Variants in SOX13 observed in about 807,000 individuals in gnomAD.
SOX13 encodes the protein transcription factor SOX-13.
Under a neutral mutation model 71.8 loss-of-function variants are expected in SOX13, and 28 were observed. That is an observed-to-expected ratio of 0.39 (90% CI 0.29 to 0.53). SOX13 has a LOEUF of 0.53. SOX13 is among the 20% of genes least tolerant of loss of function. The probability of loss-of-function intolerance (pLI) is 0.70; values close to 1 mark genes in which losing one functional copy is unlikely to be tolerated. For synonymous variants in SOX13, 309 were observed against 317.8 expected, an observed-to-expected ratio of 0.97 and a Z score of 0.29; for missense variants, 627 against 810.3, an observed-to-expected ratio of 0.77 and a Z score of 2.75.
chr1:204,098,450 G>T (rs1363688213), intron 1 of SOX13, among the ~76,000 whole-genome samples: 29 of 151,978 alleles, frequency 1.9e-4, no homozygotes, highest in Admixed American at 1.8e-3. Flanking sequence ...CTGCACTCCA[G>T]CCTGGGTGAC....
At chr1:204,119,325 G>T (rs1558221400) in intron 7 of SOX13, 1 of 152,338 alleles carries the variant, frequency 6.6e-6, no homozygotes, top group African/African-American at 2.4e-5. Flanking sequence ...AGTTCTGGGG[G>T]CTGTGAATTC....
rs1656687375 is a variant in SOX13, at chr1:204,116,124, TC to T, written c.419-382del. The T allele has an allele frequency of 5.0e-6, 6 of 1,198,410 alleles. No individual in the cohort carries two copies. In the African/African-American group the frequency reaches 9.5e-5, roughly 19 times the overall value. The allele number at this position is 1,198,410 out of a possible 1,614,324, so 74.2% of individuals were successfully genotyped here. On this transcript the variant is annotated intron_variant, in intron 4 of 13. Transcript: ENST00000367204. Reference sequence around the variant, plus strand: ...AAATGGGAATTTGACCCCAGACCTGTCTTGCTTCAAAGCCTGAGTGTGTCCC... The same window carrying T: ...AAATGGGAATTTGACCCCAGACCTGTTTGCTTCAAAGCCTGAGTGTGTCCC...
At chr1:204,086,547 C>G (rs575402325) in intron 1 of SOX13, among the ~76,000 whole-genome samples, 5 of 152,018 alleles carry the variant, frequency 3.3e-5, no homozygotes, top group Non-Finnish European at 7.4e-5. Context: ...GTGATCTGCC[C>G]GCCTCGGCCT....
rs148336151 is a variant in SOX13 at position 204,117,554 on chromosome 1, G to T, written c.661-39G>T. On this transcript the variant is annotated intron_variant, in intron 6 of 13. Transcript: ENST00000367204. ...GCTGACCATAGCTGGGTAGCTCTTTGGGTCCCTGGGGACTCACACAGGGTT... is the reference window on the plus strand; with the variant it reads ...GCTGACCATAGCTGGGTAGCTCTTTTGGTCCCTGGGGACTCACACAGGGTT... 5,699 of 1,358,888 alleles carry T rather than the reference G, an allele frequency of 4.2e-3. 29 individuals carry two copies. Among genetic ancestry groups the T allele is most frequent in the Middle Eastern group, 0.017 (93 of 5,544 alleles). The allele number at this position is 1,358,888 out of a possible 1,614,324, so 84.2% of individuals were successfully genotyped here.
intron 1 of SOX13, among the ~76,000 whole-genome samples, chr1:204,082,905 C>T (rs886548101): frequency 6.6e-6 from 1 of 152,166 alleles, no homozygotes; most frequent in Admixed American, 6.5e-5. Flanking sequence ...GGTGAATGGG[C>T]CTTTCTTAGA....
In SOX13 at chr1:204,081,756, C is replaced by T. The variant is rs150150545; in HGVS notation, c.-2+8045C>T. ...TCAGCCTGTGTGGGGTATGAGGTCC[C>T]CCACCCTCATGCGAACAACCTCTCC... On this transcript the variant is annotated intron_variant, in intron 1 of 13. Coordinates refer to ENST00000367204, the MANE Select transcript of SOX13 (RefSeq NM_005686.3). The surrounding 1 kb of genome is among the most constrained non-coding windows in gnomAD (Gnocchi z 4.3). Among the ~76,000 whole-genome samples, 567 of 152,252 alleles carry T rather than the reference C, an allele frequency of 3.7e-3. 4 individuals are homozygous for T. The highest frequency in any genetic ancestry group is 0.013 in the African/African-American group (545 of 41,542).
At chr1:204,089,000 G>A (rs1165837730) in intron 1 of SOX13, among the ~76,000 whole-genome samples, 1 of 152,196 alleles carries the variant, frequency 6.6e-6, no homozygotes, top group African/African-American at 2.4e-5. Flanking sequence ...ATTGTGACCA[G>A]GGAGGCATTT....
intron 1 of SOX13, among the ~76,000 whole-genome samples, chr1:204,076,496 T>C (rs1655788110): frequency 6.6e-6 from 1 of 151,886 alleles, no homozygotes; most frequent in Non-Finnish European, 1.5e-5. Flanking sequence ...GGCAAAAGTG[T>C]CACCTCCAAC....
In SOX13 at chr1:204,114,422, T is replaced by C. The variant is rs765136965; in HGVS notation, c.321T>C (p.Asn107=). The C allele has an allele frequency of 8.1e-6, 13 of 1,612,714 alleles. No homozygotes were observed. Among genetic ancestry groups the C allele is most frequent in the Admixed American group, 1.7e-5 (1 of 59,896 alleles). The change falls in exon 3 of 14, where the codon AAT becomes AAC. Residue 107 remains asparagine, a synonymous_variant. Transcript: ENST00000367204. The part of the protein sequence containing the change: ...GSQEKLDFNR[N]LKEVVPAIEK... ...AGGAGAAGCTGGACTTCAACCGAAA[T>C]TTGAAAGAAGGTAGGATGTCTGCCC... is the stretch of plus-strand genomic sequence containing the variant.
At chr1:204,125,755 T>G in intron 13 of SOX13, 103 bp from the exon 14 acceptor site, 1 of 1,251,554 alleles carries the variant, frequency 8.0e-7, no homozygotes, top group Non-Finnish European at 1.1e-6. Flanking sequence ...CAGCCAAGAG[T>G]GTGTGGAGTG....
chr1:204,121,835 G>A (rs150362850), intron 7 of SOX13, 65 bp from the exon 8 acceptor site: 15 of 1,171,018 alleles, frequency 1.3e-5, no homozygotes, highest in East Asian at 4.8e-5. Flanking sequence ...CTGGGACCTC[G>A]TCAAGCAGGG....
chr1:204,082,075 T>G (rs1571564503), intron 1 of SOX13, among the ~76,000 whole-genome samples: 8 of 136,790 alleles, frequency 5.8e-5, no homozygotes, highest in East Asian at 2.3e-4. Context: ...TGGTGGGGTG[T>G]GTGTGGGGGG....
intron 7 of SOX13, chr1:204,118,372 G>A (rs1401682472): frequency 6.6e-6 from 1 of 151,674 alleles, no homozygotes; most frequent in Non-Finnish European, 1.5e-5. Context: ...TGTGTTTTGA[G>A]ACAGAGTCTT....
At chr1:204,090,842 C>T (rs1198439362) in intron 1 of SOX13, among the ~76,000 whole-genome samples, 1 of 152,192 alleles carries the variant, frequency 6.6e-6, no homozygotes, top group Admixed American at 6.5e-5. Context: ...ATCTGTAGGG[C>T]ACCTTTGCAC....
intron 1 of SOX13, among the ~76,000 whole-genome samples, chr1:204,096,111 G>T (rs1656245284): frequency 6.6e-6 from 1 of 152,024 alleles, no homozygotes; most frequent in Non-Finnish European, 1.5e-5. Flanking sequence ...GTTGTTGTGA[G>T]TAATATTGCT....
Position 204,105,413 on chromosome 1 carries a change from C to CTTTT in SOX13, c.-1-7495_-1-7492dup, listed in dbSNP as rs35841451. Reference sequence around the variant, plus strand: ...GAAGGCCTCTGACTCTGTATAATCTCTTTTTTTTTTGAGACAGAGTCTCCC... The same window carrying CTTTT: ...GAAGGCCTCTGACTCTGTATAATCTCTTTTTTTTTTTTTTGAGACAGAGTCTCCC... On this transcript the variant is annotated intron_variant, in intron 1 of 13. Coordinates refer to ENST00000367204, the MANE Select transcript of SOX13 (RefSeq NM_005686.3). Among the ~76,000 whole-genome samples the CTTTT allele has an allele frequency of 4.5e-3, 617 of 137,982 alleles. 14 individuals are homozygous for CTTTT. Among genetic ancestry groups the CTTTT allele is most frequent in the African/African-American group, 0.016 (525 of 32,488 alleles). The allele number at this position is 137,982 out of a possible 152,430, so 90.5% of individuals were successfully genotyped here.
rs775543526 is a variant in SOX13 at position 204,078,128 on chromosome 1, T to TA, written c.-2+4418dup. On this transcript the variant is annotated intron_variant, in intron 1 of 13. Transcript: ENST00000367204. ...CTGCCCCCGGCCAATACCTTCCTCTTAGAACTGTTGGGAGGCTAATGGCTG... is the reference window on the plus strand; with the variant it reads ...CTGCCCCCGGCCAATACCTTCCTCTTAAGAACTGTTGGGAGGCTAATGGCTG... The TA allele has an allele frequency of 2.0e-3, 300 of 152,376 alleles. 2 individuals carry two copies. The highest frequency in any genetic ancestry group is 3.1e-3 in the Non-Finnish European group (212 of 68,076). 9.4% of individuals were successfully genotyped at this position (152,376 alleles called of 1,614,324 possible).
rs1656853630 is a variant in SOX13, at chr1:204,123,470, G to C, written c.1232-191G>C. 6.6e-6 allele frequency among the ~76,000 whole-genome samples: 1 copy of C among 152,180 alleles called. No individual in the cohort carries two copies. Among genetic ancestry groups the C allele is most frequent in the Non-Finnish European group, 1.5e-5 (1 of 68,028 alleles). On this transcript the variant is annotated intron_variant, in intron 11 of 13. Transcript: ENST00000367204. The surrounding 1 kb of genome is among the most constrained non-coding windows in gnomAD (Gnocchi z 5.0). ...TTGTGTGTCTGTCTCTGGTTCCCTGGCTGGGCCTCTGCGGATAATTTGCTG... is the reference window on the plus strand; with the variant it reads ...TTGTGTGTCTGTCTCTGGTTCCCTGCCTGGGCCTCTGCGGATAATTTGCTG...
chr1:204,102,845 G>C (rs920114287), intron 1 of SOX13, among the ~76,000 whole-genome samples: 1 of 152,128 alleles, frequency 6.6e-6, no homozygotes, highest in African/African-American at 2.4e-5. Flanking sequence ...CACACATCTA[G>C]TGGTATATAA....
Sources: allele counts gnomAD v4.1 joint callset (sites outside exome capture counted in the v4.1 genomes callset), GRCh38; gene constraint gnomAD v4.1.1; non-coding constraint Gnocchi (gnomAD v3.1); transcripts MANE v1.5; gene names NCBI Gene and HGNC (gene_info 2026-07-23, HGNC 2026-07-21).